Variants in MAPRE2 observed in about 807,000 individuals in gnomAD.
MAPRE2 encodes the protein microtubule-associated protein RP/EB family member 2.
In MAPRE2, 13 loss-of-function variants were observed where a neutral mutation model predicts 43.2. The observed-to-expected ratio is 0.30, with a 90% CI of 0.20 to 0.48. MAPRE2 has a LOEUF of 0.48. Ranked by LOEUF, MAPRE2 falls within the 20% of genes least tolerant of loss-of-function variation. The probability of loss-of-function intolerance (pLI) is 0.99; values close to 1 mark genes in which losing one functional copy is unlikely to be tolerated. For missense variants in MAPRE2, 161 were observed against 400.2 expected (o/e 0.40, Z 5.10); for synonymous variants, 135 against 148.8 (o/e 0.91, Z 0.68).
At chr18:35,011,715 T>C (rs1603389843) in intron 2 of MAPRE2, among the ~76,000 whole-genome samples, 2 of 152,128 alleles carry the variant, frequency 1.3e-5, no homozygotes, top group Non-Finnish European at 2.9e-5. Flanking sequence ...ATGGGTGGAT[T>C]TGAGTACTAT....
chr18:35,014,852 A>G (rs997401031), intron 2 of MAPRE2, among the ~76,000 whole-genome samples: 8 of 152,170 alleles, frequency 5.3e-5, no homozygotes, highest in Non-Finnish European at 1.2e-4. Flanking sequence ...CACTATGCTT[A>G]GTGCACCTTT....
intron 1 of MAPRE2, among the ~76,000 whole-genome samples, chr18:35,042,011 G>GC (rs1380961240): frequency 5.3e-5 from 8 of 152,196 alleles, no homozygotes; most frequent in African/African-American, 1.7e-4. Flanking sequence ...TTTTAAAGGA[G>GC]CCATTAGGTA....
intron 4 of MAPRE2, among the ~76,000 whole-genome samples, chr18:35,115,598 A>T (rs1348614828): frequency 6.6e-6 from 1 of 151,874 alleles, no homozygotes; most frequent in Non-Finnish European, 1.5e-5. Flanking sequence ...CTTAGCTCCC[A>T]CTTAGAAATG....
At chr18:35,002,347 A>G (rs1017950015) in intron 1 of MAPRE2, among the ~76,000 whole-genome samples, 1 of 152,210 alleles carries the variant, frequency 6.6e-6, no homozygotes, top group Non-Finnish European at 1.5e-5. Flanking sequence ...ACCTGTTGAA[A>G]GATACCTGGG....
rs1176224694 is a variant in MAPRE2 at position 35,141,222 on chromosome 18, G to A, written c.*853G>A. ...TGCAGTCCAAAGAGGGTATGGTTAG[G>A]TACGGGTCTTCCTGCCTCATTCCTC... is the stretch of plus-strand genomic sequence containing the variant. On this transcript the variant is annotated 3_prime_UTR_variant, in exon 7 of 7. Transcript: ENST00000300249. 2 of 152,096 alleles carry A rather than the reference G, an allele frequency of 1.3e-5. No individual in the cohort carries two copies. The highest frequency in any genetic ancestry group is 2.4e-5 in the African/African-American group (1 of 41,402). 9.4% of individuals were successfully genotyped at this position (152,096 alleles called of 1,614,324 possible).
At chr18:35,015,786 TAAAATC>T (rs2097037865) in intron 2 of MAPRE2, among the ~76,000 whole-genome samples, 1 of 151,916 alleles carries the variant, frequency 6.6e-6, no homozygotes, top group Non-Finnish European at 1.5e-5. Flanking sequence ...AAACACTAAC[TAAAATC>T]AAATGCTACT....
chr18:35,112,779 C>T (rs533350287), intron 4 of MAPRE2, among the ~76,000 whole-genome samples: 1 of 152,254 alleles, frequency 6.6e-6, no homozygotes, highest in Admixed American at 6.5e-5. Context: ...ACTGCATTTC[C>T]CTACATTTTA....
intron 1 of MAPRE2, among the ~76,000 whole-genome samples, chr18:35,066,805 C>T (rs548673349): frequency 3.3e-5 from 5 of 152,244 alleles, no homozygotes; most frequent in East Asian, 1.9e-4. Context: ...TGTTTGGGTT[C>T]GGGGCAAACA....
intron 1 of MAPRE2, 181 bp downstream of exon 1, chr18:35,041,842 C>G (rs1017663083): frequency 2.1e-6 from 3 of 1,411,530 alleles, no homozygotes; most frequent in Non-Finnish European, 2.8e-6. Context: ...ATTGAGGCTC[C>G]GCGACTGCAG....
At chr18:35,051,735 G>A (rs1056401131) in intron 1 of MAPRE2, among the ~76,000 whole-genome samples, 1 of 152,054 alleles carries the variant, frequency 6.6e-6, no homozygotes, top group Non-Finnish European at 1.5e-5. Context: ...CCCTTTCTAG[G>A]GCAACATTTT....
intron 2 of MAPRE2, among the ~76,000 whole-genome samples, chr18:35,022,945 G>A (rs1191017812): frequency 1.3e-5 from 2 of 152,082 alleles, no homozygotes; most frequent in East Asian, 3.9e-4. Flanking sequence ...AAATTCAGAG[G>A]GGAGGTGAGA....
intron 1 of MAPRE2, among the ~76,000 whole-genome samples, chr18:34,986,069 A>G (rs921321914): frequency 6.6e-6 from 1 of 152,102 alleles, no homozygotes; most frequent in African/African-American, 2.4e-5. Context: ...AGGAATGACT[A>G]TCGGTATTTG....
intron 2 of MAPRE2, among the ~76,000 whole-genome samples, chr18:35,028,876 C>A (rs1271300502): frequency 1.3e-5 from 2 of 152,168 alleles, no homozygotes; most frequent in East Asian, 3.8e-4. Flanking sequence ...TCATTCCAAG[C>A]ATTGATTCTA....
At chr18:35,070,679 G>A (rs1440107679) in intron 2 of MAPRE2, 1 of 161,940 alleles carries the variant, frequency 6.2e-6, no homozygotes, top group Non-Finnish European at 1.3e-5. Flanking sequence ...AACCTCTAGG[G>A]CTCCACGTTG....
intron 1 of MAPRE2, among the ~76,000 whole-genome samples, chr18:35,001,619 G>A (rs549438549): frequency 2.3e-4 from 35 of 152,144 alleles, no homozygotes; most frequent in African/African-American, 7.5e-4. Flanking sequence ...GAAGGTACAC[G>A]AGGGAGAAGG....
intron 4 of MAPRE2, among the ~76,000 whole-genome samples, chr18:35,124,229 G>C (rs572837883): frequency 1.3e-5 from 2 of 152,200 alleles, no homozygotes; most frequent in South Asian, 4.2e-4. Context: ...CTCTTCACAC[G>C]GCAGCAGGAA....
chr18:35,094,515 T>C (rs1908310741), intron 2 of MAPRE2, among the ~76,000 whole-genome samples: 1 of 152,162 alleles, frequency 6.6e-6, no homozygotes, highest in Non-Finnish European at 1.5e-5. Flanking sequence ...CAATAGATAG[T>C]AAAAATAGTG....
At chr18:35,088,223 C>T (rs1448038584) in intron 2 of MAPRE2, among the ~76,000 whole-genome samples, 1 of 152,170 alleles carries the variant, frequency 6.6e-6, no homozygotes, top group African/African-American at 2.4e-5. Context: ...AAGGCTACTT[C>T]ATGTGGCATA....
chr18:34,977,869 C>T (rs575982493), intron 1 of MAPRE2, among the ~76,000 whole-genome samples: 4 of 152,268 alleles, frequency 2.6e-5, no homozygotes, highest in African/African-American at 9.6e-5. Context: ...CACAAAGAGC[C>T]AGGAGAGGGG....
Sources: gnomAD v4.1 joint callset for allele counts (sites outside exome capture counted in the v4.1 genomes callset) on GRCh38, gnomAD v4.1.1 for gene constraint, MANE v1.5 for transcripts, NCBI Gene and HGNC (gene_info 2026-07-23, HGNC 2026-07-21) for gene names.